MFSD8: variants seen among roughly 807,000 people sequenced by gnomAD.
MFSD8 encodes the protein major facilitator superfamily domain containing 8.
A neutral mutation model predicts 66.4 loss-of-function variants in MFSD8; 55 were observed. That is an observed-to-expected ratio of 0.83 (90% CI 0.67 to 1.04). MFSD8 has a LOEUF of 1.04. MFSD8 is among the 50% of genes least tolerant of loss of function. MFSD8 has a pLI of 0.00. For synonymous variants in MFSD8, 202 were observed against 212.8 expected (o/e 0.95, Z 0.44); for missense variants, 550 against 627.6 (o/e 0.88, Z 1.32).
chr4:127,928,805 C>T (rs991721103), intron 9 of MFSD8, among the ~76,000 whole-genome samples: 3 of 152,210 alleles, frequency 2.0e-5, no homozygotes, highest in African/African-American at 7.2e-5. Context: ...TTCATTTCAA[C>T]ACTATTCACA....
chr4:127,931,087 A>C (rs1164793099), intron 8 of MFSD8, among the ~76,000 whole-genome samples: 1 of 152,194 alleles, frequency 6.6e-6, no homozygotes, highest in Admixed American at 6.6e-5. Context: ...TCTGAAACAA[A>C]GGAAAAGGAA....
intron 1 of MFSD8, among the ~76,000 whole-genome samples, chr4:127,961,667 T>G (rs1208614996): frequency 6.6e-6 from 1 of 151,690 alleles, no homozygotes; most frequent in African/African-American, 2.4e-5. Flanking sequence ...ACAAAAAAAA[T>G]TAGCCCGGCG....
rs1736357856 is a variant in MFSD8, at chr4:127,921,690, T to C, written c.1184A>G (p.Asn395Ser). The C allele has an allele frequency of 3.1e-6, 5 of 1,614,208 alleles. No individual in the cohort carries two copies. Among genetic ancestry groups the C allele is most frequent in the East Asian group, 2.2e-5 (1 of 44,876 alleles). Residue 395 changes from asparagine to serine, a missense_variant, in exon 11 of 12, where the codon AAT becomes AGT. Transcript: ENST00000641686. ...AATCGAGCAACCAGTTGGTCTTTCA[T>C]TGTCATCTTCCATTGGAGACTTCCA... Reference protein sequence around the residue: ...GLWKSPMEDDNERPTGCSIEQ... With the variant: ...GLWKSPMEDDSERPTGCSIEQ...
chr4:127,945,683 A>G (rs914715692), intron 3 of MFSD8: 1 of 152,170 alleles, frequency 6.6e-6, no homozygotes, highest in Non-Finnish European at 1.5e-5. Flanking sequence ...TATGAAAAAA[A>G]TAAGAAATAA....
In MFSD8 at chr4:127,942,176, A is replaced by C; in HGVS notation, c.440-18T>G. ...TACATTTCCTTAAAAACAAGACACA[A>C]TAATCCAAAGTAAAAGAAAGTATCA... On this transcript the variant is annotated intron_variant, in intron 4 of 11. Transcript: ENST00000641686. 6.4e-7 allele frequency: 1 copy of C among 1,558,630 alleles called. No individual in the cohort carries two copies. Among genetic ancestry groups the C allele is most frequent in the East Asian group, 2.2e-5 (1 of 44,598 alleles).
At chr4:127,955,681 C>T (rs114880136) in intron 2 of MFSD8, among the ~76,000 whole-genome samples, 4,085 of 152,102 alleles carry the variant, frequency 0.027, 160 homozygotes, top group African/African-American at 0.093. Flanking sequence ...TCTCTGCTCT[C>T]CCCCTTTCTG....
At chr4:127,949,448 T>G (rs1351994125) in intron 3 of MFSD8, among the ~76,000 whole-genome samples, 1 of 152,232 alleles carries the variant, frequency 6.6e-6, no homozygotes, top group Non-Finnish European at 1.5e-5. Flanking sequence ...AAATATCATT[T>G]ACACACTTTA....
intron 7 of MFSD8, among the ~76,000 whole-genome samples, chr4:127,933,928 A>C (rs1738590068): frequency 6.6e-6 from 1 of 151,650 alleles, no homozygotes; most frequent in Non-Finnish European, 1.5e-5. Context: ...GTGGTGGCTC[A>C]TACATGTAAT....
At chr4:127,931,677 T>C (rs900709875) in intron 8 of MFSD8, among the ~76,000 whole-genome samples, 1 of 152,146 alleles carries the variant, frequency 6.6e-6, no homozygotes, top group African/African-American at 2.4e-5. Context: ...TTAACATTGT[T>C]TAATTGGTAT....
At chr4:127,961,009 C>A (rs1743644878) in intron 1 of MFSD8, among the ~76,000 whole-genome samples, 2 of 152,234 alleles carry the variant, frequency 1.3e-5, no homozygotes, top group South Asian at 4.1e-4. Flanking sequence ...CAATCTGGGA[C>A]TTTACAGGAA....
In MFSD8 at chr4:127,942,158, C is replaced by T; in HGVS notation, c.440G>A (p.Gly147Glu). 6.2e-7 allele frequency: 1 copy of T among 1,603,316 alleles called. No individual in the cohort carries two copies. Among genetic ancestry groups the T allele is most frequent in the African/African-American group, 1.3e-5 (1 of 74,788 alleles). The part of the protein sequence containing the change: ...VARGLLGIGA[G>E]NVAVVRSYTA... Reference sequence around the variant, plus strand: ...ATATGATCTAACAACTGCTACATTTCCTTAAAAACAAGACACAATAATCCA... The same window carrying T: ...ATATGATCTAACAACTGCTACATTTTCTTAAAAACAAGACACAATAATCCA... Residue 147 changes from glycine (G) to glutamate (E), a missense_variant and splice_region_variant, in exon 5 of 12, where the codon GGA becomes GAA. Gly to Glu is a moderately conservative substitution (Grantham distance 98, BLOSUM62 -2). Transcript: ENST00000641686.
chr4:127,964,612 G>A (rs768571184), intron 1 of MFSD8: 7 of 187,420 alleles, frequency 3.7e-5, no homozygotes, highest in Non-Finnish European at 6.8e-5. Flanking sequence ...TCCCGCTCAC[G>A]CCTCTCCCAC....
chr4:127,946,059 T>C (rs1194930178), intron 3 of MFSD8, among the ~76,000 whole-genome samples: 1 of 151,958 alleles, frequency 6.6e-6, no homozygotes, highest in Non-Finnish European at 1.5e-5. Context: ...CAGCTGGGAC[T>C]ACAGGGAGTA....
intron 9 of MFSD8, among the ~76,000 whole-genome samples, chr4:127,927,453 G>A (rs914146478): frequency 2.0e-5 from 3 of 152,188 alleles, no homozygotes; most frequent in African/African-American, 7.2e-5. Context: ...TGGGATTGCA[G>A]GCGTGAGCCA....
intron 1 of MFSD8, among the ~76,000 whole-genome samples, chr4:127,961,537 G>A (rs946700520): frequency 3.9e-5 from 6 of 152,046 alleles, no homozygotes; most frequent in African/African-American, 1.2e-4. Flanking sequence ...TTCTGAGGCC[G>A]GGCACGGTGG....
chr4:127,923,552 TTTATTATTA>T (rs200387529), intron 9 of MFSD8, among the ~76,000 whole-genome samples: 227 of 130,558 alleles, frequency 1.7e-3, no homozygotes, highest in East Asian at 3.4e-3. Context: ...TTTATTTTTA[TTTATTATTA>T]TTATTATTAT....
intron 7 of MFSD8, among the ~76,000 whole-genome samples, chr4:127,934,238 A>G (rs1738644345): frequency 6.6e-6 from 1 of 152,162 alleles, no homozygotes; most frequent in Admixed American, 6.6e-5. Context: ...ACCCTGTCTC[A>G]AAAAATAAAT....
chr4:127,941,267 G>A (rs1740141121), intron 5 of MFSD8, among the ~76,000 whole-genome samples: 2 of 152,116 alleles, frequency 1.3e-5, no homozygotes, highest in South Asian at 2.1e-4. Context: ...CTAAATAGAG[G>A]AACGTAATGG....
At chr4:127,937,062 G>GT (rs1396379905) in intron 7 of MFSD8, among the ~76,000 whole-genome samples, 1 of 152,154 alleles carries the variant, frequency 6.6e-6, no homozygotes, top group African/African-American at 2.4e-5. Flanking sequence ...TATTTTGAAA[G>GT]TTTTCAAACA....
Sources: allele counts gnomAD v4.1 joint callset (sites outside exome capture counted in the v4.1 genomes callset), GRCh38; gene constraint gnomAD v4.1.1; transcripts MANE v1.5; gene names NCBI Gene and HGNC (gene_info 2026-07-23, HGNC 2026-07-21).